Variants in UBIAD1 observed in about 807,000 individuals in gnomAD.
The protein encoded by UBIAD1 is ubiA prenyltransferase domain-containing protein 1.
UBIAD1 carries 12 observed loss-of-function variants against 20.1 expected under a neutral mutation model. That is an observed-to-expected ratio of 0.60 (90% CI 0.38 to 0.97). The LOEUF (loss-of-function observed/expected upper bound fraction) is 0.97. Ranked by LOEUF, UBIAD1 falls within the 50% of genes least tolerant of loss-of-function variation. The probability of loss-of-function intolerance (pLI) is 0.00; values close to 1 mark genes in which losing one functional copy is unlikely to be tolerated. For synonymous variants in UBIAD1, 207 were observed against 189.2 expected (o/e 1.09, Z -0.77); for missense variants, 333 against 419.5 (o/e 0.79, Z 1.80).
intron 1 of UBIAD1, chr1:11,278,743 G>C: frequency 1.5e-6 from 1 of 673,416 alleles, no homozygotes; most frequent in Non-Finnish European, 2.4e-6. Flanking sequence ...ACACTGGTGT[G>C]CTGCGGTCAT....
chr1:11,288,469 T>A (rs1638310310), downstream of UBIAD1: 1 of 152,212 alleles, frequency 6.6e-6, no homozygotes, highest in African/African-American at 2.4e-5. Context: ...GCTTTCCTCA[T>A]ACTTACTGTC....
chr1:11,285,928 T>G lies in UBIAD1; in HGVS notation c.814T>G (p.Phe272Val). Residue 272 changes from phenylalanine to valine, a missense_variant, in exon 2 of 2, where the codon TTC becomes GTC. By Grantham distance (50) the Phe-to-Val change is conservative (BLOSUM62 -1). Transcript: ENST00000376810. This position sits in a 1 kb window ranked among gnomAD's most constrained non-coding sequence, Gnocchi z 4.4. ...ACTGCTCTTCCTGCCCTACCTGGTCTTCAGCATCCTGGCCACACACTGCAC... is the reference window on the plus strand; with the variant it reads ...ACTGCTCTTCCTGCCCTACCTGGTCGTCAGCATCCTGGCCACACACTGCAC... ...NTLLFLPYLV[F>V]SILATHCTIS... The G allele has an allele frequency of 6.2e-7, 1 of 1,614,204 alleles. No individual in the cohort carries two copies.
At chr1:11,279,370 G>A (rs942539392) in intron 1 of UBIAD1, 3 of 178,308 alleles carry the variant, frequency 1.7e-5, no homozygotes, top group Admixed American at 6.0e-5. Context: ...GCAAGGCTGG[G>A]GATAGAACAA....
At chr1:11,284,709 C>A (rs1638220273) in intron 1 of UBIAD1, among the ~76,000 whole-genome samples, 1 of 152,180 alleles carries the variant, frequency 6.6e-6, no homozygotes, top group Admixed American at 6.5e-5. Flanking sequence ...GGTAATCTGC[C>A]CGCCTTGGCC....
Position 11,273,584 on chromosome 1 carries a change from C to T in UBIAD1, c.53C>T (p.Thr18Ile). ...GEKINILSGE[T>I]VKAGDRDPLG... ...AAGATTAACATCCTGTCGGGAGAGA[C>T]TGTCAAAGCTGGGGACAGGGACCCG... is the stretch of plus-strand genomic sequence containing the variant. The change falls in exon 1 of 2, where the codon ACT (threonine) becomes ATT (isoleucine). Residue 18 changes from threonine (T) to isoleucine (I), a missense_variant. Transcript: ENST00000376810. This position sits in a 1 kb window ranked among gnomAD's most constrained non-coding sequence, Gnocchi z 4.9. 6.2e-7 allele frequency: 1 copy of T among 1,613,734 alleles called. No individual in the cohort carries two copies. Among genetic ancestry groups the T allele is most frequent in the African/African-American group, 1.3e-5 (1 of 75,074 alleles).
chr1:11,276,717 T>G (rs900326676), intron 1 of UBIAD1, among the ~76,000 whole-genome samples: 5 of 151,568 alleles, frequency 3.3e-5, no homozygotes, highest in Admixed American at 1.3e-4. Context: ...TCCATATATG[T>G]ATCCCTTTTT....
At chr1:11,274,106 A>G (rs758826969) in intron 1 of UBIAD1, 46 bp downstream of exon 1, 2 of 1,610,768 alleles carry the variant, frequency 1.2e-6, no homozygotes, top group South Asian at 1.1e-5. Flanking sequence ...AGTCGCGTCC[A>G]CTGGAAACCG....
rs533040626 is a variant in UBIAD1 at position 11,280,124 on chromosome 1, A to T, written c.530-5520A>T. Among the ~76,000 whole-genome samples, 4 of 152,266 alleles carry T rather than the reference A, an allele frequency of 2.6e-5. No homozygotes were observed. The East Asian group carries it at 7.7e-4, about 29-fold the overall frequency. ...TTGTGAAAGTGACGTTCAAACTAGG[A>T]CTTGAAGACGGAAGGATAAGGAGCT... is the stretch of plus-strand genomic sequence containing the variant. On this transcript the variant is annotated intron_variant, in intron 1 of 1. Transcript: ENST00000376810.
rs886045079 is a variant in UBIAD1 at position 11,287,590 on chromosome 1, T to A, written c.*1459T>A. On this transcript the variant is annotated 3_prime_UTR_variant, in exon 2 of 2. Transcript: ENST00000376810. ...TCAAGCTAATGATGATATGGAACCT[T>A]GAGTTCGAATTGATTGGTTTACTTG... 6.6e-6 allele frequency: 1 copy of A among 152,170 alleles called. No individual in the cohort carries two copies. The highest frequency in any genetic ancestry group is 1.5e-5 in the Non-Finnish European group (1 of 68,026). 9.4% of individuals were successfully genotyped at this position (152,170 alleles called of 1,614,324 possible). A position where few individuals can be genotyped will look rare whatever the true frequency, so the allele number is the denominator to read the frequency against.
At chr1:11,280,572 C>G (rs529389154) in intron 1 of UBIAD1, among the ~76,000 whole-genome samples, 1 of 152,316 alleles carries the variant, frequency 6.6e-6, no homozygotes, top group Admixed American at 6.5e-5. Context: ...CCCAAGGAAA[C>G]CTGCTTCGCC....
chr1:11,298,234 A>G (rs1306364473), downstream of UBIAD1, among the ~76,000 whole-genome samples: 1 of 152,118 alleles, frequency 6.6e-6, no homozygotes, highest in African/African-American at 2.4e-5. This position sits in a 1 kb window ranked among gnomAD's most constrained non-coding sequence, Gnocchi z 4.0. Context: ...TTGGGATTAC[A>G]GGCATGAGCC....
chr1:11,294,173 G>A (rs959506981), intron 1 of UBIAD1, among the ~76,000 whole-genome samples: 2 of 152,164 alleles, frequency 1.3e-5, no homozygotes, highest in African/African-American at 4.8e-5. Flanking sequence ...CCACGAATTG[G>A]ATATTAAGGT....
chr1:11,296,633 C>T (rs1638452971), downstream of UBIAD1, among the ~76,000 whole-genome samples: 1 of 152,184 alleles, frequency 6.6e-6, no homozygotes, highest in African/African-American at 2.4e-5. Context: ...GATCTTCCCA[C>T]CTCAGCCTCC....
downstream of UBIAD1, among the ~76,000 whole-genome samples, chr1:11,292,707 ACACACT>A (rs1553136730): frequency 1.3e-5 from 2 of 150,456 alleles, no homozygotes; most frequent in Non-Finnish European, 2.9e-5. Flanking sequence ...ACACACACAC[ACACACT>A]CACAGAGTTG....
At chr1:11,289,878 C>T (rs988405248), downstream of UBIAD1, among the ~76,000 whole-genome samples, 29 of 152,200 alleles carry the variant, frequency 1.9e-4, no homozygotes, top group African/African-American at 6.5e-4. Flanking sequence ...TTACAGGCAC[C>T]CGCCACTATG....
chr1:11,296,520 G>GT (rs1040602873), downstream of UBIAD1, among the ~76,000 whole-genome samples: 7 of 152,002 alleles, frequency 4.6e-5, 1 homozygote, highest in South Asian at 8.3e-4. Context: ...AGTTCCCCCT[G>GT]TCCCCCCCTT....
Position 11,273,321 on chromosome 1 carries a change from G to A in UBIAD1, c.-211G>A. 1.6e-6 allele frequency: 1 copy of A among 609,958 alleles called. No homozygotes were observed. The highest frequency in any genetic ancestry group is 2.9e-6 in the Non-Finnish European group (1 of 345,978). 37.8% of individuals were successfully genotyped at this position (609,958 alleles called of 1,614,324 possible). ...GGGGGCCGGAGACAGACTTCGCCCA[G>A]GTGACGGGTAGTAGGGGCGGCGCCG... On this transcript the variant is annotated 5_prime_UTR_variant, in exon 1 of 2. Coordinates refer to ENST00000376810, the MANE Select transcript of UBIAD1 (RefSeq NM_013319.3). This position sits in a 1 kb window ranked among gnomAD's most constrained non-coding sequence, Gnocchi z 4.9.
chr1:11,276,605 A>C (rs578188690), intron 1 of UBIAD1, among the ~76,000 whole-genome samples: 1 of 151,326 alleles, frequency 6.6e-6, no homozygotes, highest in Admixed American at 6.6e-5. Context: ...CAGAGGTTGC[A>C]GTGAGCTGAG....
rs780690513 is a variant in UBIAD1 at position 11,273,872 on chromosome 1, A to G, written c.341A>G (p.Lys114Arg). The change falls in exon 1 of 2, where the codon AAA becomes AGA. Residue 114 changes from lysine (K) to arginine (R), a missense_variant. Lys to Arg is a conservative substitution (Grantham distance 26). Coordinates refer to ENST00000376810, the MANE Select transcript of UBIAD1 (RefSeq NM_013319.3). This position sits in a 1 kb window ranked among gnomAD's most constrained non-coding sequence, Gnocchi z 4.9. ...GACTTTTCCAAGGGCATTGACCACA[A>G]AAAGAGTGATGACAGGACACTTGTG... ...YYDFSKGIDH[K>R]KSDDRTLVDR... The G allele has an allele frequency of 8.1e-6, 13 of 1,614,170 alleles. No homozygotes were observed. The South Asian group carries it at 9.9e-5, about 12-fold the overall frequency.
Sources: gnomAD v4.1 joint callset for allele counts (sites outside exome capture counted in the v4.1 genomes callset) on GRCh38, gnomAD v4.1.1 for gene constraint, Gnocchi (gnomAD v3.1) non-coding constraint, MANE v1.5 for transcripts, NCBI Gene and HGNC (gene_info 2026-07-23, HGNC 2026-07-21) for gene names.